The following SEH1L variants were observed in gnomAD, a reference collection of about 807,000 sequenced individuals.
SEH1L encodes SEH1 like nucleoporin.
SEH1L carries 18 observed loss-of-function variants against 49.5 expected under a neutral mutation model. The observed-to-expected ratio is 0.36, with a 90% confidence interval of 0.25 to 0.54. SEH1L has a LOEUF of 0.54. SEH1L is among the 20% of genes least tolerant of loss of function. The pLI, the probability that SEH1L is intolerant of heterozygous loss-of-function variation, is 0.87. For synonymous variants in SEH1L, 169 were observed against 178.1 expected (o/e 0.95, Z 0.41); for missense variants, 404 against 528.8 (o/e 0.76, Z 2.31).
chr18:12,981,513 C>A (rs2032259357), intron 6 of SEH1L, among the ~76,000 whole-genome samples: 2 of 152,224 alleles, frequency 1.3e-5, no homozygotes, highest in South Asian at 4.1e-4. Context: ...ACCAGCCCGG[C>A]CAACACCTAC....
In SEH1L at chr18:12,982,550, A is replaced by G. The variant is rs1262998112; in HGVS notation, c.794A>G (p.Lys265Arg). The G allele has an allele frequency of 4.3e-6, 7 of 1,612,124 alleles. No individual in the cohort carries two copies. The highest frequency in any genetic ancestry group is 4.2e-6 in the Non-Finnish European group (5 of 1,179,494). ...KELTSSGGPT[K>R]FEIHIVAQFD... is the part of the protein sequence containing the mutation. ...CTGACTTCCTCTGGTGGGCCAACAA[A>G]GTTTGAAATCCATATAGTGGCTCAG... The change falls in exon 7 of 9, where the codon AAG becomes AGG. Residue 265 changes from lysine to arginine, a missense_variant. Lys to Arg is a conservative substitution (Grantham distance 26, BLOSUM62 2). This residue lies in a region of SEH1L where 342 missense variants were observed against 430.8 expected (regional missense o/e 0.79). Coordinates refer to ENST00000399892, the MANE Select transcript of SEH1L (RefSeq NM_001013437.2).
At chr18:12,981,459 C>T (rs1030383476) in intron 6 of SEH1L, among the ~76,000 whole-genome samples, 3 of 152,232 alleles carry the variant, frequency 2.0e-5, no homozygotes, top group Admixed American at 6.5e-5. Context: ...CCCGGCACCT[C>T]GGGAGGCCGA....
At chr18:12,974,909 T>A (rs1174083659) in intron 5 of SEH1L, among the ~76,000 whole-genome samples, 3 of 152,232 alleles carry the variant, frequency 2.0e-5, no homozygotes, top group Non-Finnish European at 4.4e-5. Context: ...TTGTTCATTC[T>A]CTTTATTTAC....
At chr18:12,973,985 C>A (rs1030606857) in intron 5 of SEH1L, 1 of 152,166 alleles carries the variant, frequency 6.6e-6, no homozygotes, top group African/African-American at 2.4e-5. Context: ...CAGGTGCTGG[C>A]GGCTGGAGTT....
chr18:12,956,412 C>T (rs2030863717), intron 3 of SEH1L, among the ~76,000 whole-genome samples: 1 of 149,380 alleles, frequency 6.7e-6, no homozygotes, highest in African/African-American at 2.5e-5. Context: ...CAGGATGGGC[C>T]CATGTCACAC....
At chr18:12,985,089 A>G (rs1331327971) in intron 8 of SEH1L, 30 of 582,912 alleles carry the variant, frequency 5.1e-5, no homozygotes, top group Middle Eastern at 7.1e-4. Flanking sequence ...TTGATTTTTT[A>G]AAGTCTGGTT....
chr18:12,958,329 T>G (rs9965977), intron 3 of SEH1L, among the ~76,000 whole-genome samples: 106,794 of 151,442 alleles, frequency 0.71, 38,274 homozygotes, highest in African/African-American at 0.83. Context: ...CAAATGATTC[T>G]CCTGCCTTGG....
chr18:12,987,209 A>C lies in SEH1L; in HGVS notation c.*152A>C. 1 of 505,208 alleles carries C rather than the reference A, an allele frequency of 2.0e-6. No homozygotes were observed. Among genetic ancestry groups the C allele is most frequent in the Non-Finnish European group, 3.4e-6 (1 of 293,130 alleles). The allele number at this position is 505,208 out of a possible 1,614,324, so 31.3% of individuals were successfully genotyped here. On this transcript the variant is annotated 3_prime_UTR_variant, in exon 9 of 9. Coordinates refer to ENST00000399892, the MANE Select transcript of SEH1L (RefSeq NM_001013437.2). ...AACCAGAATACAGTGTTTGGAACCTAAATCTGTTTGTGCGTCTGCATCAAA... is the reference window on the plus strand; with the variant it reads ...AACCAGAATACAGTGTTTGGAACCTCAATCTGTTTGTGCGTCTGCATCAAA...
intron 4 of SEH1L, among the ~76,000 whole-genome samples, chr18:12,966,437 G>A (rs1262239017): frequency 6.6e-6 from 1 of 151,914 alleles, no homozygotes; most frequent in South Asian, 2.1e-4. Flanking sequence ...TTCGAGACAC[G>A]TGTCACTATG....
chr18:12,952,179 C>T (rs2030574210), intron 2 of SEH1L, among the ~76,000 whole-genome samples: 1 of 140,514 alleles, frequency 7.1e-6, no homozygotes, highest in Non-Finnish European at 1.5e-5. Flanking sequence ...ATGTTTCATA[C>T]ATAGTTTTCT....
At chr18:12,982,457 GTA>G (rs372997937) in intron 6 of SEH1L, 59 bp from the exon 7 acceptor site, 120 of 1,149,554 alleles carry the variant, frequency 1.0e-4, no homozygotes, top group South Asian at 1.5e-4. Flanking sequence ...ATATGTGTGT[GTA>G]TATATATATG....
At chr18:12,951,824 T>G (rs2030549301) in intron 1 of SEH1L, 31 bp from the exon 2 acceptor site, 2 of 1,410,170 alleles carry the variant, frequency 1.4e-6, no homozygotes, top group Non-Finnish European at 2.0e-6. Flanking sequence ...GGAATTTTTG[T>G]ATAAAATATC....
At chr18:12,952,065 TC>T (rs1470819509) in intron 2 of SEH1L, among the ~76,000 whole-genome samples, 160 bp downstream of exon 2, 3 of 152,154 alleles carry the variant, frequency 2.0e-5, no homozygotes, top group African/African-American at 7.2e-5. Context: ...ACTGTGTTTC[TC>T]AGAATTTGAG....
chr18:12,980,688 G>A (rs1389204862), intron 6 of SEH1L, among the ~76,000 whole-genome samples: 1 of 119,482 alleles, frequency 8.4e-6, no homozygotes, highest in African/African-American at 3.3e-5. Flanking sequence ...CTGGCAGGGC[G>A]GGGGGCTGAC....
At chr18:12,975,104 T>A (rs990639588) in intron 5 of SEH1L, among the ~76,000 whole-genome samples, 2 of 152,028 alleles carry the variant, frequency 1.3e-5, no homozygotes, top group Admixed American at 1.3e-4. Context: ...GAAGTTCTCC[T>A]GCCTCAGCCT....
At position 12,986,933 on chromosome 18, in the gene SEH1L, C is replaced by T; in HGVS notation, c.1142C>T (p.Pro381Leu). The change falls in exon 9 of 9, where the codon CCT (proline) becomes CTT (leucine). Residue 381 changes from proline to leucine, a missense_variant. By Grantham distance (98) the Pro-to-Leu change is moderately conservative. Transcript: ENST00000399892. Reference sequence around the variant, plus strand: ...TCCAGTTATGCCCAGCTCCTTCCTCCTCCTCCTCCTCCTCTGGTAGAGCAC... The same window carrying T: ...TCCAGTTATGCCCAGCTCCTTCCTCTTCCTCCTCCTCCTCTGGTAGAGCAC... The part of the protein sequence containing the change: ...RWSSYAQLLP[P>L]PPPPLVEHSC... 1 of 1,609,524 alleles carries T rather than the reference C, an allele frequency of 6.2e-7. No individual in the cohort carries two copies. The highest frequency in any genetic ancestry group is 8.5e-7 in the Non-Finnish European group (1 of 1,176,858).
chr18:12,962,332 G>A (rs2031214672), intron 3 of SEH1L, among the ~76,000 whole-genome samples: 1 of 150,880 alleles, frequency 6.6e-6, no homozygotes, highest in African/African-American at 2.4e-5. Flanking sequence ...CATGATCATG[G>A]TACTGTACTC....
intron 4 of SEH1L, among the ~76,000 whole-genome samples, chr18:12,967,967 G>A (rs192436499): frequency 9.3e-4 from 141 of 152,102 alleles, no homozygotes; most frequent in Non-Finnish European, 1.8e-3. Context: ...TGGGTTTTAT[G>A]GTTACAAATA....
Position 12,984,094 on chromosome 18 carries a change from C to T in SEH1L, c.974C>T (p.Pro325Leu). Residue 325 changes from proline to leucine, a missense_variant, in exon 8 of 9, where the codon CCA (proline) becomes CTA (leucine). Physicochemically the swap from Pro to Leu is moderately conservative, Grantham distance 98. Around this residue, in one of 3 missense-constraint regions of SEH1L, gnomAD observed 342 missense variants for 430.8 expected, o/e 0.79. Transcript: ENST00000399892. The stretch of plus-strand genomic sequence containing the variant: ...GGTATTTTGAAAGGTAATGGGAGCC[C>T]AGTCAATGGGAGTTCTCAGCAGGGA... ...CTGILKGNGS[P>L]VNGSSQQGTS... 1 of 1,613,750 alleles carries T rather than the reference C, an allele frequency of 6.2e-7. No individual in the cohort carries two copies. The highest frequency in any genetic ancestry group is 8.5e-7 in the Non-Finnish European group (1 of 1,179,688).
Sources: allele counts gnomAD v4.1 joint callset (sites outside exome capture counted in the v4.1 genomes callset), GRCh38; gene constraint gnomAD v4.1.1; regional missense constraint gnomAD v4.1.1; transcripts MANE v1.5; gene names NCBI Gene and HGNC (gene_info 2026-07-23, HGNC 2026-07-21).